The following ANO9 variants were observed in gnomAD, a reference collection of about 807,000 sequenced individuals.
ANO9 encodes the protein anoctamin 9.
In ANO9, 80 loss-of-function variants were observed where a neutral mutation model predicts 100.5. That is an observed-to-expected ratio of 0.80 (90% CI 0.66 to 0.96). The LOEUF is 0.96. ANO9 is among the 40% of genes least tolerant of loss of function. The pLI is 0.00. For synonymous variants in ANO9, 473 were observed against 435.6 expected, an observed-to-expected ratio of 1.09 and a Z score of -1.07; for missense variants, 1,064 against 1,072.7, an observed-to-expected ratio of 0.99 and a Z score of 0.11.
chr11:441,784 G>A lies in ANO9; in HGVS notation c.6+137C>T, dbSNP rs1018978369. The A allele has an allele frequency of 3.8e-5, 51 of 1,347,704 alleles. No individual in the cohort carries two copies. The South Asian group carries it at 4.3e-4, about 11-fold the overall frequency. 83.5% of individuals were successfully genotyped at this position (1,347,704 alleles called of 1,614,324 possible). A position where few individuals can be genotyped will look rare whatever the true frequency, so the allele number is the denominator to read the frequency against. On this transcript the variant is annotated intron_variant, in intron 1 of 22. Transcript: ENST00000332826. ...GCCGGGCGGTCACCCTCGCCTGACC[G>A]GGCAGCCTGCAGGGACCCCCCCCAC...
intron 1 of ANO9, among the ~76,000 whole-genome samples, chr11:439,625 G>T (rs1453843824): frequency 8.9e-6 from 1 of 112,502 alleles, no homozygotes; most frequent in Admixed American, 8.5e-5. Flanking sequence ...CTCTTGGCCG[G>T]TGCCCTGAGC....
chr11:433,217 G>T, intron 4 of ANO9, 97 bp downstream of exon 4: 2 of 1,489,720 alleles, frequency 1.3e-6, no homozygotes, highest in Admixed American at 2.4e-5. Context: ...CTGCCTTGGC[G>T]ACGCCTGGAG....
At chr11:438,141 C>T (rs1845517591) in intron 1 of ANO9, among the ~76,000 whole-genome samples, 3 of 152,130 alleles carry the variant, frequency 2.0e-5, no homozygotes. Flanking sequence ...CACGCCTCTG[C>T]AAACAGCAGG....
rs1255347333 is a variant in ANO9 at position 418,911 on chromosome 11, G to A, written c.2013C>T (p.Gly671=). ...ACCTGCACAGAGTCACGTTTTCTGA[G>A]CCCTCAATCCCATCAGGGTCCTGGA... ...KDFQDPDGIE[G]SENVTLCRYR... is the part of the protein sequence containing the mutation. The change falls in exon 21 of 23, where the codon GGC becomes GGT. Residue 671 remains glycine (G), a synonymous_variant. Coordinates refer to ENST00000332826, the MANE Select transcript of ANO9 (RefSeq NM_001012302.3). 6.2e-7 allele frequency: 1 copy of A among 1,613,606 alleles called. No individual in the cohort carries two copies. Among genetic ancestry groups the A allele is most frequent in the Admixed American group, 1.7e-5 (1 of 60,004 alleles).
rs758325684 is a variant in ANO9, at chr11:418,562, C to T, written c.2158G>A (p.Ala720Thr). 9 of 1,612,886 alleles carry T rather than the reference C, an allele frequency of 5.6e-6. No individual in the cohort carries two copies. The highest frequency in any genetic ancestry group is 1.1e-5 in the South Asian group (1 of 91,094). ...EHVALCIKLI[A>T]AWFVPDIPQS... ...GGGATGTCGGGCACGAACCAGGCGG[C>T]GATGAGCTTGATGCACAAGGCCACG... Residue 720 changes from alanine to threonine, a missense_variant, in exon 23 of 23, where the codon GCC becomes ACC. By Grantham distance (58) the Ala-to-Thr change is moderately conservative. Coordinates refer to ENST00000332826, the MANE Select transcript of ANO9 (RefSeq NM_001012302.3).
Position 428,135 on chromosome 11 carries a change from G to T in ANO9, c.1287C>A (p.Phe429Leu), listed in dbSNP as rs1205047578. 1.2e-6 allele frequency: 2 copies of T among 1,611,500 alleles called. No homozygotes were observed. The highest frequency in any genetic ancestry group is 1.7e-6 in the Non-Finnish European group (2 of 1,179,628). The change falls in exon 15 of 23, where the codon TTC becomes TTA. Residue 429 changes from phenylalanine to leucine, a missense_variant. Coordinates refer to ENST00000332826, the MANE Select transcript of ANO9 (RefSeq NM_001012302.3). ...AGATGAGAGACGAGAAATGGGTGAAGAACTGCAGTGTGAAGAAGCGGATGG... is the reference window on the plus strand; with the variant it reads ...AGATGAGAGACGAGAAATGGGTGAATAACTGCAGTGTGAAGAAGCGGATGG... The part of the protein sequence containing the change: ...RFTIRFFTLQ[F>L]FTHFSSLIYI...
rs574618505 is a variant in ANO9 at position 422,932 on chromosome 11, T to G, written c.1335-1734A>C. Among the ~76,000 whole-genome samples the G allele has an allele frequency of 1.2e-4, 18 of 151,758 alleles. No individual in the cohort carries two copies. Among genetic ancestry groups the G allele is most frequent in the Admixed American group, 9.2e-4 (14 of 15,234 alleles). The stretch of plus-strand genomic sequence containing the variant: ...ACAACCTCCACCTTCCGGGTTTAAG[T>G]GATTCTCCTGCCTCAGCCTCCTGAG... On this transcript the variant is annotated intron_variant, in intron 15 of 22. Coordinates refer to ENST00000332826, the MANE Select transcript of ANO9 (RefSeq NM_001012302.3). This position sits in a 1 kb window ranked among gnomAD's most constrained non-coding sequence, Gnocchi z 4.3.
Position 428,086 on chromosome 11 carries a change from ACCTGC to A in ANO9, c.1331_1334+1del. On this transcript the variant is annotated splice_donor_variant and coding_sequence_variant, in exon 15 of 23. Coordinates refer to ENST00000332826, the MANE Select transcript of ANO9 (RefSeq NM_001012302.3). LOFTEE classifies it high-confidence loss of function. ...TTGGAGGGAGCCTGGCGCCGGCCCT[ACCTGC>A]CCAGGATGAAGGCGATGTAGATGAG... is the stretch of plus-strand genomic sequence containing the variant. 1.9e-6 allele frequency: 3 copies of A among 1,596,584 alleles called. No individual in the cohort carries two copies. Among genetic ancestry groups the A allele is most frequent in the Non-Finnish European group, 1.7e-6 (2 of 1,174,368 alleles).
intron 1 of ANO9, 47 bp from the exon 2 acceptor site, chr11:434,145 G>A (rs1274426137): frequency 9.7e-6 from 15 of 1,540,518 alleles, no homozygotes; most frequent in Middle Eastern, 1.7e-4. Context: ...GTGATTGGGG[G>A]CTAGATGCCC....
At position 422,231 on chromosome 11, in the gene ANO9, G is replaced by A. The variant is rs1021291634; in HGVS notation, c.1335-1033C>T. Among the ~76,000 whole-genome samples, 8 of 152,174 alleles carry A rather than the reference G, an allele frequency of 5.3e-5. No individual in the cohort carries two copies. The highest frequency in any genetic ancestry group is 1.7e-4 in the African/African-American group (7 of 41,434). ...ATGAAGAAAACTATAAAACTACCAA[G>A]GAGCATGAAAGACTTGCAGGGAGAA... On this transcript the variant is annotated intron_variant, in intron 15 of 22. Transcript: ENST00000332826. This position sits in a 1 kb window ranked among gnomAD's most constrained non-coding sequence, Gnocchi z 4.3.
At position 418,589 on chromosome 11, in the gene ANO9, G is replaced by C. The variant is rs1214552445; in HGVS notation, c.2131C>G (p.His711Asp). 1 of 1,612,904 alleles carries C rather than the reference G, an allele frequency of 6.2e-7. No homozygotes were observed. The highest frequency in any genetic ancestry group is 8.5e-7 in the Non-Finnish European group (1 of 1,179,992). ...IRLAFVILFE[H>D]VALCIKLIAA... ...ATGAGCTTGATGCACAAGGCCACGT[G>C]CTAGCGGCAGCACAGGAGAGGCCCA... Residue 711 changes from histidine (H) to aspartate (D), a missense_variant and splice_region_variant, in exon 23 of 23, where the codon CAC (histidine) becomes GAC (aspartate). By Grantham distance (81) the His-to-Asp change is moderately conservative. Coordinates refer to ENST00000332826, the MANE Select transcript of ANO9 (RefSeq NM_001012302.3).
chr11:419,855 G>A (rs1848069243), intron 19 of ANO9, 126 bp from the exon 20 acceptor site: 1 of 1,463,736 alleles, frequency 6.8e-7, no homozygotes, highest in Non-Finnish European at 9.0e-7. Flanking sequence ...GCAGCCCTAG[G>A]GCTGCAGTAT....
rs760013875 is a variant in ANO9, at chr11:421,232, G to C, written c.1335-34C>G. 88 of 1,491,280 alleles carry C rather than the reference G, an allele frequency of 5.9e-5. No individual in the cohort carries two copies. Among genetic ancestry groups the C allele is most frequent in the Admixed American group, 2.3e-4 (10 of 43,176 alleles). 92.4% of individuals were successfully genotyped at this position (1,491,280 alleles called of 1,614,324 possible). On this transcript the variant is annotated intron_variant, in intron 15 of 22. Transcript: ENST00000332826. This position sits in a 1 kb window ranked among gnomAD's most constrained non-coding sequence, Gnocchi z 6.8. ...GAAGGGGAAGTCTGGGGCACTGCGG[G>C]CAGCGCCCTGCCTCTGACAGGGTGG...
At chr11:438,376 C>A (rs1350124757) in intron 1 of ANO9, among the ~76,000 whole-genome samples, 1 of 139,248 alleles carries the variant, frequency 7.2e-6, no homozygotes, top group Non-Finnish European at 1.6e-5. Flanking sequence ...CACAGCCAGA[C>A]AGGTGTAGCC....
At position 441,508 on chromosome 11, in the gene ANO9, C is replaced by T. The variant is rs533365547; in HGVS notation, c.6+413G>A. Among the ~76,000 whole-genome samples the T allele has an allele frequency of 8.5e-5, 13 of 152,158 alleles. No individual in the cohort carries two copies. The South Asian group carries it at 1.5e-3, about 17-fold the overall frequency. ...GGCAGCCTGCCTGGTGCCCACAGCC[C>T]GCTCCCCCTTAGGGGCCAGCTGCAA... is the stretch of plus-strand genomic sequence containing the variant. On this transcript the variant is annotated intron_variant, in intron 1 of 22. Transcript: ENST00000332826.
At position 422,261 on chromosome 11, in the gene ANO9, G is replaced by A. The variant is rs1463794483; in HGVS notation, c.1335-1063C>T. Among the ~76,000 whole-genome samples, 2 of 152,154 alleles carry A rather than the reference G, an allele frequency of 1.3e-5. No individual in the cohort carries two copies. Among genetic ancestry groups the A allele is most frequent in the Non-Finnish European group, 2.9e-5 (2 of 68,036 alleles). On this transcript the variant is annotated intron_variant, in intron 15 of 22. Coordinates refer to ENST00000332826, the MANE Select transcript of ANO9 (RefSeq NM_001012302.3). This position sits in a 1 kb window ranked among gnomAD's most constrained non-coding sequence, Gnocchi z 4.3. ...ATGAAAGACTTGCAGGGAGAACCTCGTTCTCCCATAAGAAAACGGAGGATG... is the reference window on the plus strand; with the variant it reads ...ATGAAAGACTTGCAGGGAGAACCTCATTCTCCCATAAGAAAACGGAGGATG...
chr11:439,583 G>A (rs1020493420), intron 1 of ANO9, among the ~76,000 whole-genome samples: 3 of 84,708 alleles, frequency 3.5e-5, no homozygotes, highest in Admixed American at 2.1e-4. Flanking sequence ...GAAGGTGTTT[G>A]GGCCTCATCT....
rs1564901787 is a variant in ANO9, at chr11:419,112, C to T, written c.1935-123G>A. 8 of 1,522,770 alleles carry T rather than the reference C, an allele frequency of 5.3e-6. No homozygotes were observed. In the East Asian group the frequency reaches 7.0e-5, roughly 13 times the overall value. 94.3% of individuals were successfully genotyped at this position (1,522,770 alleles called of 1,614,324 possible). On this transcript the variant is annotated intron_variant, in intron 20 of 22. Coordinates refer to ENST00000332826, the MANE Select transcript of ANO9 (RefSeq NM_001012302.3). Reference sequence around the variant, plus strand: ...GAGGTGGGGGCCACGCCACAGACTGCGTCCAGTGGGACGGGGCTCCCGGGC... The same window carrying T: ...GAGGTGGGGGCCACGCCACAGACTGTGTCCAGTGGGACGGGGCTCCCGGGC...
intron 15 of ANO9, among the ~76,000 whole-genome samples, chr11:423,255 A>G (rs1434088223): frequency 2.0e-5 from 3 of 152,260 alleles, no homozygotes; most frequent in African/African-American, 4.8e-5. Flanking sequence ...CCCACCCTAC[A>G]GCAAGGCATA....
Sources: allele counts gnomAD v4.1 joint callset (sites outside exome capture counted in the v4.1 genomes callset), GRCh38; gene constraint gnomAD v4.1.1; non-coding constraint Gnocchi (gnomAD v3.1); transcripts MANE v1.5; gene names NCBI Gene and HGNC (gene_info 2026-07-23, HGNC 2026-07-21).